Variants in GRID2 observed in about 807,000 individuals in gnomAD.
GRID2 encodes glutamate receptor ionotropic, delta-2.
GRID2 carries 33 observed loss-of-function variants against 114.8 expected under a neutral mutation model. That is an observed-to-expected ratio of 0.29 (90% CI 0.22 to 0.38). The LOEUF is 0.38. Ranked by LOEUF, GRID2 falls within the 10% of genes least tolerant of loss-of-function variation. The probability of loss-of-function intolerance (pLI) is 1.00; values close to 1 mark genes in which losing one functional copy is unlikely to be tolerated. For missense variants in GRID2, 1,184 were observed against 1,257.7 expected, an observed-to-expected ratio of 0.94 and a Z score of 0.89; for synonymous variants, 505 against 449.9, an observed-to-expected ratio of 1.12 and a Z score of -1.55.
At chr4:93,613,865 G>T (rs1040966104) in intron 13 of GRID2, among the ~76,000 whole-genome samples, 1 of 151,808 alleles carries the variant, frequency 6.6e-6, no homozygotes, top group African/African-American at 2.4e-5. Context: ...AGGCTGCTTT[G>T]TTTACCTAAG....
chr4:93,012,675 T>TA (rs34812251), intron 2 of GRID2, among the ~76,000 whole-genome samples: 66,162 of 150,352 alleles, frequency 0.44, 14,861 homozygotes, highest in Middle Eastern at 0.59. Flanking sequence ...ACTATAAGGA[T>TA]AAAAAAAAAC....
intron 13 of GRID2, among the ~76,000 whole-genome samples, chr4:93,521,545 A>G (rs1412654677): frequency 6.6e-6 from 1 of 152,138 alleles, no homozygotes; most frequent in Non-Finnish European, 1.5e-5. Context: ...GAATGCTAAA[A>G]ATTAATTTTA....
At chr4:93,341,305 G>A (rs1012303104) in intron 8 of GRID2, among the ~76,000 whole-genome samples, 3 of 149,576 alleles carry the variant, frequency 2.0e-5, no homozygotes, top group Middle Eastern at 3.4e-3. Flanking sequence ...ATTGTAATTT[G>A]TAGCCTCTTA....
intron 13 of GRID2, among the ~76,000 whole-genome samples, chr4:93,619,329 C>T (rs932402337): frequency 2.6e-5 from 4 of 152,078 alleles, no homozygotes; most frequent in Non-Finnish European, 4.4e-5. Flanking sequence ...GAGAGGCTAC[C>T]GCCCAGAACC....
intron 2 of GRID2, among the ~76,000 whole-genome samples, chr4:92,852,514 T>C (rs1743893640): frequency 2.0e-5 from 3 of 151,976 alleles, no homozygotes; most frequent in African/African-American, 4.8e-5. Context: ...ACTTCAATTG[T>C]CTTAAAATAT....
intron 1 of GRID2, among the ~76,000 whole-genome samples, chr4:93,780,191 T>C (rs1029823361): frequency 2.6e-5 from 4 of 152,156 alleles, no homozygotes; most frequent in African/African-American, 9.7e-5. Flanking sequence ...TCTGCTATAT[T>C]AAGTAAGGTG....
chr4:93,302,772 A>G (rs1755013048), intron 8 of GRID2: 1 of 334,002 alleles, frequency 3.0e-6, no homozygotes, highest in Admixed American at 3.8e-5. Context: ...ACTACACAGT[A>G]TTTTAAAGAG....
At chr4:92,363,727 G>A (rs1728722701) in intron 1 of GRID2, among the ~76,000 whole-genome samples, 1 of 150,554 alleles carries the variant, frequency 6.6e-6, no homozygotes. Context: ...TTAGCTTAGT[G>A]TTCATTGGTT....
intron 2 of GRID2, among the ~76,000 whole-genome samples, chr4:92,918,768 G>A (rs1173939658): frequency 6.6e-6 from 1 of 152,132 alleles, no homozygotes; most frequent in Non-Finnish European, 1.5e-5. Flanking sequence ...TTTTATTGAG[G>A]ATTTTTGCAT....
At chr4:92,869,568 T>G (rs1745127626) in intron 2 of GRID2, among the ~76,000 whole-genome samples, 1 of 152,172 alleles carries the variant, frequency 6.6e-6, no homozygotes. Context: ...TTTTTTAAAA[T>G]TAATTAATGG....
downstream of GRID2, among the ~76,000 whole-genome samples, chr4:93,778,527 G>A (rs1734418283): frequency 6.6e-6 from 1 of 150,926 alleles, no homozygotes; most frequent in African/African-American, 2.4e-5. Flanking sequence ...CTCCCAAGTA[G>A]CTAGGACTAC....
chr4:93,810,313 C>T (rs1735108390), downstream of GRID2, among the ~76,000 whole-genome samples: 1 of 152,048 alleles, frequency 6.6e-6, no homozygotes, highest in African/African-American at 2.4e-5. Context: ...ATATAATTTT[C>T]TTTTTCAGAG....
At chr4:93,795,359 A>G (rs1172552034) in intron 1 of GRID2, among the ~76,000 whole-genome samples, 2 of 151,894 alleles carry the variant, frequency 1.3e-5, no homozygotes, top group East Asian at 3.9e-4. Context: ...TATATATGTT[A>G]TATATTATTT....
rs528446327 is a variant in GRID2 at position 93,648,661 on chromosome 4, C to A, written c.2360+22226C>A. On this transcript the variant is annotated intron_variant, in intron 14 of 15. Coordinates refer to ENST00000282020, the MANE Select transcript of GRID2 (RefSeq NM_001510.4). The stretch of plus-strand genomic sequence containing the variant: ...TCTGTTAAAACACATTTCTGGGCTC[C>A]AGCCCCAGAGGTTCTGGTTTCGCAG... Among the ~76,000 whole-genome samples the A allele has an allele frequency of 7.9e-5, 12 of 152,310 alleles. No individual in the cohort carries two copies. In the South Asian group the frequency reaches 2.5e-3, roughly 32 times the overall value.
intron 2 of GRID2, among the ~76,000 whole-genome samples, chr4:92,855,994 G>A (rs551892593): frequency 1.0e-3 from 159 of 152,068 alleles, no homozygotes; most frequent in African/African-American, 3.5e-3. Flanking sequence ...CAATTACTAG[G>A]AAAAGCCTCA....
At chr4:92,840,393 T>G (rs1446586837) in intron 2 of GRID2, among the ~76,000 whole-genome samples, 1 of 152,004 alleles carries the variant, frequency 6.6e-6, no homozygotes, top group Non-Finnish European at 1.5e-5. Context: ...TCTTGTAGTC[T>G]TCTCTTCCTT....
chr4:92,898,542 C>G (rs1747335754), intron 2 of GRID2, among the ~76,000 whole-genome samples: 1 of 152,102 alleles, frequency 6.6e-6, no homozygotes, highest in Non-Finnish European at 1.5e-5. Context: ...TAGCATAAAA[C>G]TTCTGTGAAA....
chr4:93,312,148 A>G (rs143691734), intron 8 of GRID2, among the ~76,000 whole-genome samples: 12 of 152,260 alleles, frequency 7.9e-5, no homozygotes, highest in Non-Finnish European at 1.3e-4. Context: ...TTCATTTACT[A>G]TAATCAGCAA....
chr4:93,425,619 A>AG (rs1437441265), intron 10 of GRID2, among the ~76,000 whole-genome samples: 3 of 152,172 alleles, frequency 2.0e-5, no homozygotes, highest in Admixed American at 2.0e-4. Context: ...TGTGCAGTTT[A>AG]GGGGTCAGCT....
Sources: allele counts gnomAD v4.1 joint callset (sites outside exome capture counted in the v4.1 genomes callset), GRCh38; gene constraint gnomAD v4.1.1; transcripts MANE v1.5; gene names NCBI Gene and HGNC (gene_info 2026-07-23, HGNC 2026-07-21).